Variants in ZNF438 observed in about 807,000 individuals in gnomAD.
ZNF438 encodes the protein zinc finger protein 438.
ZNF438 carries 25 observed loss-of-function variants against 38.0 expected under a neutral mutation model. The observed-to-expected ratio is 0.66, with a 90% CI of 0.48 to 0.92. ZNF438 has a LOEUF of 0.92. ZNF438 is among the 40% of genes least tolerant of loss of function. The pLI is 0.00. For missense variants in ZNF438, 1,007 were observed against 999.6 expected, an observed-to-expected ratio of 1.01 and a Z score of -0.10; for synonymous variants, 372 against 364.1, an observed-to-expected ratio of 1.02 and a Z score of -0.25.
chr10:31,023,787 T>A (rs2056766066), intron 1 of ZNF438, among the ~76,000 whole-genome samples: 1 of 152,224 alleles, frequency 6.6e-6, no homozygotes, highest in Non-Finnish European at 1.5e-5. Context: ...ACTGCCCCGC[T>A]TCAGTACCTT....
chr10:30,857,030 T>G (rs1226429495), intron 4 of ZNF438, among the ~76,000 whole-genome samples: 4 of 152,092 alleles, frequency 2.6e-5, no homozygotes, highest in African/African-American at 9.7e-5. Flanking sequence ...TTACACAGAT[T>G]AAGAAAAATG....
intron 1 of ZNF438, among the ~76,000 whole-genome samples, chr10:30,997,327 T>G (rs1312284233): frequency 6.6e-6 from 1 of 152,066 alleles, no homozygotes; most frequent in East Asian, 1.9e-4. Context: ...AAATCCAGAT[T>G]GCAAGGAATT....
At chr10:30,957,725 G>T (rs1206480356) in intron 1 of ZNF438, among the ~76,000 whole-genome samples, 2 of 152,090 alleles carry the variant, frequency 1.3e-5, no homozygotes, top group African/African-American at 2.4e-5. Flanking sequence ...TTTTATGTGT[G>T]TACCATGCTG....
At chr10:30,955,631 C>T (rs1038199827) in intron 1 of ZNF438, among the ~76,000 whole-genome samples, 4 of 152,156 alleles carry the variant, frequency 2.6e-5, no homozygotes, top group African/African-American at 9.7e-5. Flanking sequence ...ATTCCATCCA[C>T]CAGCAGAATA....
chr10:31,017,639 G>C (rs921519050), intron 1 of ZNF438, among the ~76,000 whole-genome samples: 1 of 152,086 alleles, frequency 6.6e-6, no homozygotes, highest in Non-Finnish European at 1.5e-5. Flanking sequence ...CGCAGCCATC[G>C]CTCCCTCTCT....
In ZNF438 at chr10:30,967,649, G is replaced by A. The variant is rs548043995; in HGVS notation, c.-191-25998C>T. Reference sequence around the variant, plus strand: ...TTTAAAACTAATATGTTACTGCTCTGGTGTTGTTTTAAATTAAAGGATTTC... The same window carrying A: ...TTTAAAACTAATATGTTACTGCTCTAGTGTTGTTTTAAATTAAAGGATTTC... On this transcript the variant is annotated intron_variant, in intron 1 of 5. Transcript: ENST00000413025. 4.3e-4 allele frequency among the ~76,000 whole-genome samples: 65 copies of A among 152,180 alleles called. 4 individuals are homozygous for A. In the South Asian group the frequency reaches 0.013, roughly 31 times the overall value.
chr10:30,966,750 T>C lies in ZNF438; in HGVS notation c.-191-25099A>G, dbSNP rs527469795. ...GCACTGGGGAACTAAAGGTAAATGATTAATATCAGCAATTCATGTTGGCTC... is the reference window on the plus strand; with the variant it reads ...GCACTGGGGAACTAAAGGTAAATGACTAATATCAGCAATTCATGTTGGCTC... On this transcript the variant is annotated intron_variant, in intron 1 of 5. Transcript: ENST00000413025. Among the ~76,000 whole-genome samples, 6 of 152,062 alleles carry C rather than the reference T, an allele frequency of 3.9e-5. No individual in the cohort carries two copies. The South Asian group carries it at 1.2e-3, about 32-fold the overall frequency.
intron 1 of ZNF438, among the ~76,000 whole-genome samples, chr10:30,943,452 A>G (rs1350312674): frequency 6.6e-6 from 1 of 152,218 alleles, no homozygotes; most frequent in Non-Finnish European, 1.5e-5. Flanking sequence ...GAGTTTTAAG[A>G]GAAAAAAATT....
intron 1 of ZNF438, among the ~76,000 whole-genome samples, chr10:30,968,262 C>T (rs1475450823): frequency 1.3e-5 from 2 of 152,008 alleles, no homozygotes; most frequent in African/African-American, 4.8e-5. Context: ...AACAGGTCTC[C>T]ACCCTGGCTT....
At chr10:30,875,367 G>A (rs1385661571) in intron 4 of ZNF438, 2 of 984,544 alleles carry the variant, frequency 2.0e-6, no homozygotes, top group Non-Finnish European at 2.4e-6. Flanking sequence ...AGTCATTCTC[G>A]ATTTTTCAAT....
intron 1 of ZNF438, among the ~76,000 whole-genome samples, chr10:30,951,338 C>A (rs984821761): frequency 6.7e-6 from 1 of 148,876 alleles, no homozygotes; most frequent in Admixed American, 6.7e-5. Flanking sequence ...AAAACTGGCA[C>A]AAGACAGGGA....
chr10:31,023,262 G>A (rs964336623), intron 1 of ZNF438, among the ~76,000 whole-genome samples: 2 of 152,060 alleles, frequency 1.3e-5, no homozygotes, highest in Non-Finnish European at 2.9e-5. Flanking sequence ...CAGACTTCTA[G>A]ATCTATAATT....
At chr10:31,028,130 C>T (rs1199660678) in intron 1 of ZNF438, among the ~76,000 whole-genome samples, 2 of 151,786 alleles carry the variant, frequency 1.3e-5, no homozygotes, top group African/African-American at 4.8e-5. Flanking sequence ...ACCAGATCCC[C>T]TTTCTATGAC....
At chr10:30,906,646 G>T (rs1005461416) in intron 3 of ZNF438, among the ~76,000 whole-genome samples, 8 of 152,186 alleles carry the variant, frequency 5.3e-5, no homozygotes, top group African/African-American at 1.9e-4. Flanking sequence ...TCTTGTTCCT[G>T]ATCTTAGAGG....
exon 5 of ZNF438, chr10:30,849,417 G>A (rs199506130): frequency 1.2e-6 from 2 of 1,614,168 alleles, no homozygotes; most frequent in East Asian, 2.2e-5. Flanking sequence ...GTGGTGGAGG[G>A]TATCTTATCA....
At chr10:30,902,982 G>C (rs759637210) in intron 3 of ZNF438, among the ~76,000 whole-genome samples, 1 of 84,764 alleles carries the variant, frequency 1.2e-5, no homozygotes, top group South Asian at 3.0e-4. Context: ...GGGAGAAATC[G>C]AGCGCAGCGC....
chr10:30,889,238 A>G (rs553211457), intron 3 of ZNF438, among the ~76,000 whole-genome samples: 17 of 152,364 alleles, frequency 1.1e-4, no homozygotes, highest in African/African-American at 3.8e-4. Context: ...CTAAAGCTTT[A>G]GAGGAGCTAA....
intron 1 of ZNF438, among the ~76,000 whole-genome samples, chr10:31,012,509 C>T (rs574981357): frequency 1.3e-5 from 2 of 152,134 alleles, no homozygotes; most frequent in African/African-American, 2.4e-5. Context: ...ATATGTTAAT[C>T]GTCTACCTCC....
chr10:30,874,146 A>G (rs1216585862), intron 4 of ZNF438, among the ~76,000 whole-genome samples: 3 of 50,338 alleles, frequency 6.0e-5, no homozygotes, highest in African/African-American at 1.8e-4. Flanking sequence ...ATATATATAT[A>G]TATATATATA....
Sources: allele counts gnomAD v4.1 joint callset (sites outside exome capture counted in the v4.1 genomes callset), GRCh38; gene constraint gnomAD v4.1.1; transcripts MANE v1.5; gene names NCBI Gene and HGNC (gene_info 2026-07-23, HGNC 2026-07-21).